ZNF536: variants seen among roughly 807,000 people sequenced by gnomAD.
ZNF536 encodes the protein zinc finger protein 536.
A neutral mutation model predicts 84.5 loss-of-function variants in ZNF536; 13 were observed. That is an observed-to-expected ratio of 0.15 (90% CI 0.10 to 0.24). The LOEUF is 0.24. Among genes scored for constraint, ZNF536 ranks in the 10% least tolerant of loss-of-function variants. The probability of loss-of-function intolerance (pLI) is 1.00; values close to 1 mark genes in which losing one functional copy is unlikely to be tolerated. For synonymous variants in ZNF536, 811 were observed against 742.5 expected (o/e 1.09, Z -1.50); for missense variants, 1,536 against 1,747.5 (o/e 0.88, Z 2.16).
intron 3 of ZNF536, among the ~76,000 whole-genome samples, chr19:30,362,504 G>A (rs1302958023): frequency 6.6e-6 from 1 of 152,162 alleles, no homozygotes; most frequent in Non-Finnish European, 1.5e-5. Flanking sequence ...GCTGTTCTAC[G>A]ACTCTTGGCT....
intron 1 of ZNF536, among the ~76,000 whole-genome samples, chr19:30,239,440 C>T (rs1419455838): frequency 6.6e-6 from 1 of 152,228 alleles, no homozygotes; most frequent in East Asian, 1.9e-4. Flanking sequence ...GTTGCATGCC[C>T]TTCAGACTGG....
At chr19:30,398,744 A>C (rs1363217239) in intron 1 of ZNF536, among the ~76,000 whole-genome samples, 1 of 152,096 alleles carries the variant, frequency 6.6e-6, no homozygotes, top group Non-Finnish European at 1.5e-5. Flanking sequence ...AAGGACATGA[A>C]ATTATCCTTT....
At chr19:30,654,219 G>A (rs1481849187) in intron 1 of ZNF536, among the ~76,000 whole-genome samples, 2 of 152,208 alleles carry the variant, frequency 1.3e-5, no homozygotes, top group African/African-American at 2.4e-5. Flanking sequence ...CCAGTGGGGA[G>A]GGAGCCTGAC....
chr19:30,514,662 C>A (rs968759346), intron 2 of ZNF536, among the ~76,000 whole-genome samples: 9 of 151,854 alleles, frequency 5.9e-5, no homozygotes, highest in Non-Finnish European at 1.3e-4. Context: ...CAGAGGGCAC[C>A]ACCCCTACCC....
intron 1 of ZNF536, among the ~76,000 whole-genome samples, chr19:30,591,223 G>A (rs2047267031): frequency 6.6e-6 from 1 of 152,176 alleles, no homozygotes; most frequent in Non-Finnish European, 1.5e-5. Context: ...GGGATCCGAG[G>A]GTGTCCTTAC....
At chr19:30,401,610 C>T (rs183282284) in intron 1 of ZNF536, among the ~76,000 whole-genome samples, 1 of 152,340 alleles carries the variant, frequency 6.6e-6, no homozygotes, top group African/African-American at 2.4e-5. Context: ...TTTTCTGAAA[C>T]AGATTTTTTC....
At chr19:30,311,651 C>G (rs2046508596) in intron 2 of ZNF536, among the ~76,000 whole-genome samples, 1 of 152,206 alleles carries the variant, frequency 6.6e-6, no homozygotes, top group East Asian at 1.9e-4. Flanking sequence ...CCCCCACTCT[C>G]TCATTCCCCA....
At chr19:30,619,270 G>A (rs2048401206) in intron 1 of ZNF536, among the ~76,000 whole-genome samples, 1 of 151,884 alleles carries the variant, frequency 6.6e-6, no homozygotes, top group Non-Finnish European at 1.5e-5. Flanking sequence ...GGTTTGATGG[G>A]CAATGCCTTC....
intron 2 of ZNF536, among the ~76,000 whole-genome samples, chr19:30,446,133 T>A (rs1568440233): frequency 6.6e-6 from 1 of 150,464 alleles, no homozygotes; most frequent in African/African-American, 2.4e-5. Context: ...CCTGTAATCC[T>A]AGCTATTCGG....
At chr19:30,579,763 A>C in intron 1 of ZNF536, among the ~76,000 whole-genome samples, 1 of 152,142 alleles carries the variant, frequency 6.6e-6, no homozygotes. Flanking sequence ...TGGCAGGGTG[A>C]ATCTAATACT....
chr19:30,543,198 T>C (rs1257965566), intron 3 of ZNF536, among the ~76,000 whole-genome samples: 1 of 152,218 alleles, frequency 6.6e-6, no homozygotes, highest in Non-Finnish European at 1.5e-5. Flanking sequence ...ACGGCTGTTT[T>C]GCATACTCAT....
intron 1 of ZNF536, among the ~76,000 whole-genome samples, chr19:30,390,910 C>T (rs1007103119): frequency 2.6e-5 from 4 of 152,200 alleles, no homozygotes; most frequent in African/African-American, 7.2e-5. Context: ...ACAGAAATCC[C>T]CACTTGAGAG....
intron 2 of ZNF536, among the ~76,000 whole-genome samples, chr19:30,502,044 T>C (rs1224295656): frequency 2.0e-5 from 3 of 152,206 alleles, no homozygotes; most frequent in Non-Finnish European, 4.4e-5. Context: ...GGGTTGAATT[T>C]ACTCAGTAAG....
intron 2 of ZNF536, among the ~76,000 whole-genome samples, chr19:30,336,619 A>T (rs950691676): frequency 1.3e-5 from 2 of 152,102 alleles, no homozygotes; most frequent in Non-Finnish European, 2.9e-5. Flanking sequence ...CCTGGAAGGT[A>T]GGTGAGATGG....
Position 30,498,213 on chromosome 19 carries a change from A to G in ZNF536, c.2171-36634A>G, listed in dbSNP as rs142860117. Among the ~76,000 whole-genome samples the G allele has an allele frequency of 2.8e-3, 420 of 152,366 alleles. 1 individual carries two copies. Among genetic ancestry groups the G allele is most frequent in the South Asian group, 0.017 (83 of 4,832 alleles). On this transcript the variant is annotated intron_variant, in intron 2 of 4. Transcript: ENST00000355537. ...CAAATGACCGTTAATGATAGACTGT[A>G]TAAAGAAAATGTGGCACATATACAG...
intron 1 of ZNF536, among the ~76,000 whole-genome samples, chr19:30,577,240 C>T (rs967708179): frequency 5.3e-5 from 8 of 151,872 alleles, no homozygotes; most frequent in Non-Finnish European, 8.8e-5. Context: ...TGTAAATTTG[C>T]TTCATGGTTA....
At chr19:30,409,334 A>C (rs2050390585) in intron 1 of ZNF536, among the ~76,000 whole-genome samples, 1 of 152,194 alleles carries the variant, frequency 6.6e-6, no homozygotes, top group African/African-American at 2.4e-5. Flanking sequence ...GATTCAGACC[A>C]CCTTGTTCTG....
At chr19:30,571,106 C>CT (rs201419695) in intron 1 of ZNF536, among the ~76,000 whole-genome samples, 4 of 151,364 alleles carry the variant, frequency 2.6e-5, no homozygotes, top group African/African-American at 4.8e-5. Context: ...ATTTTATCCC[C>CT]TTTTTTTTTG....
chr19:30,600,068 G>GT (rs1389484374), intron 1 of ZNF536, among the ~76,000 whole-genome samples: 23 of 150,690 alleles, frequency 1.5e-4, no homozygotes, highest in African/African-American at 5.6e-4. Context: ...TGTTGTTGTT[G>GT]TTTTTTGTTT....
Sources: allele counts gnomAD v4.1 joint callset (sites outside exome capture counted in the v4.1 genomes callset), GRCh38; gene constraint gnomAD v4.1.1; transcripts MANE v1.5; gene names NCBI Gene and HGNC (gene_info 2026-07-23, HGNC 2026-07-21).